PRKD1: variants seen among roughly 807,000 people sequenced by gnomAD.
PRKD1 encodes the protein serine/threonine-protein kinase D1.
PRKD1 carries 63 observed loss-of-function variants against 95.9 expected under a neutral mutation model. The ratio of observed to expected loss-of-function variants is 0.66; its 90% CI spans 0.54 to 0.81. The LOEUF (loss-of-function observed/expected upper bound fraction) is 0.81. PRKD1 is among the 30% of genes least tolerant of loss of function. PRKD1 has a pLI of 0.00. For synonymous variants in PRKD1, 425 were observed against 423.1 expected, an observed-to-expected ratio of 1.00 and a Z score of -0.05; for missense variants, 1,048 against 1,165.3, an observed-to-expected ratio of 0.90 and a Z score of 1.47.
At chr14:29,605,146 C>A (rs2139030117) in intron 13 of PRKD1, among the ~76,000 whole-genome samples, 1 of 152,180 alleles carries the variant, frequency 6.6e-6, no homozygotes, top group East Asian at 1.9e-4. Context: ...AGGGATCCAC[C>A]ACAGCATCCC....
chr14:29,821,929 A>G (rs1316963672), intron 1 of PRKD1, among the ~76,000 whole-genome samples: 1 of 151,988 alleles, frequency 6.6e-6, no homozygotes, highest in Admixed American at 6.6e-5. Context: ...AACCTTTTAA[A>G]CACTTTGCCT....
At chr14:29,725,701 T>C (rs1285163962) in intron 1 of PRKD1, 27 bp from the exon 2 acceptor site, 1 of 1,601,152 alleles carries the variant, frequency 6.2e-7, no homozygotes. Context: ...CATGAGAGTG[T>C]AAATGTCAAA....
At chr14:29,701,006 A>ACACACACACACACACACACC (rs1555337080) in intron 2 of PRKD1, among the ~76,000 whole-genome samples, 156 of 50,678 alleles carry the variant, frequency 3.1e-3, no homozygotes, top group African/African-American at 0.016. Flanking sequence ...ACACACACAC[A>ACACACACACACACACACACC]CCCTGTTGTG....
chr14:29,803,039 C>G (rs1890097848), intron 1 of PRKD1, among the ~76,000 whole-genome samples: 1 of 152,184 alleles, frequency 6.6e-6, no homozygotes, highest in Non-Finnish European at 1.5e-5. Context: ...GGACATGAGA[C>G]AGGCCAGGTC....
intron 1 of PRKD1, among the ~76,000 whole-genome samples, chr14:29,864,151 T>A (rs1448567474): frequency 7.2e-5 from 11 of 152,080 alleles, no homozygotes; most frequent in African/African-American, 2.7e-4. Flanking sequence ...AAACATTTTG[T>A]CACTACTGGA....
chr14:29,741,657 T>A (rs1230897075), intron 1 of PRKD1, among the ~76,000 whole-genome samples: 1 of 152,070 alleles, frequency 6.6e-6, no homozygotes, highest in African/African-American at 2.4e-5. Flanking sequence ...TGGTCTGCAA[T>A]TTCTGCTTGC....
At chr14:29,719,926 T>C (rs1192358645) in intron 2 of PRKD1, among the ~76,000 whole-genome samples, 6 of 152,180 alleles carry the variant, frequency 3.9e-5, no homozygotes, top group Non-Finnish European at 7.3e-5. Flanking sequence ...CGTGAGAAAG[T>C]GAACTTGGGC....
chr14:29,659,231 T>C (rs4274347), intron 4 of PRKD1, among the ~76,000 whole-genome samples: 13,920 of 152,254 alleles, frequency 0.091, 885 homozygotes, highest in South Asian at 0.22. Context: ...GATTTGAACT[T>C]CATATACTGG....
intron 1 of PRKD1, among the ~76,000 whole-genome samples, chr14:29,809,745 C>G (rs1378849123): frequency 6.6e-6 from 1 of 152,314 alleles, no homozygotes; most frequent in East Asian, 1.9e-4. Context: ...ATCCAGACCA[C>G]TAAAACTTTC....
chr14:29,707,323 G>A (rs183650851), intron 2 of PRKD1, among the ~76,000 whole-genome samples: 1 of 152,222 alleles, frequency 6.6e-6, no homozygotes, highest in Admixed American at 6.5e-5. Context: ...TGAGAAAGGT[G>A]GGAGAATATG....
intron 2 of PRKD1, among the ~76,000 whole-genome samples, chr14:29,691,988 C>A (rs1339581153): frequency 2.6e-5 from 4 of 152,186 alleles, no homozygotes; most frequent in Middle Eastern, 3.4e-3. Flanking sequence ...TGTGAACATA[C>A]AATTTTAGGT....
chr14:29,649,278 G>A (rs1174558590), intron 4 of PRKD1, among the ~76,000 whole-genome samples: 2 of 152,080 alleles, frequency 1.3e-5, no homozygotes, highest in African/African-American at 4.8e-5. Flanking sequence ...AGGTAGCCTT[G>A]GTAAAGGGGG....
At chr14:29,907,282 T>C (rs527541501) in intron 1 of PRKD1, among the ~76,000 whole-genome samples, 2 of 152,262 alleles carry the variant, frequency 1.3e-5, no homozygotes, top group Admixed American at 1.3e-4. Context: ...CAAAATCCTT[T>C]TAAAAATTAT....
intron 2 of PRKD1, among the ~76,000 whole-genome samples, chr14:29,699,180 A>C (rs1448855085): frequency 1.3e-5 from 2 of 152,212 alleles, no homozygotes; most frequent in Admixed American, 6.5e-5. Flanking sequence ...TAAAGAGTAA[A>C]AATGAATTGC....
intron 1 of PRKD1, among the ~76,000 whole-genome samples, chr14:29,834,991 T>A (rs1209300615): frequency 6.9e-6 from 1 of 144,552 alleles, no homozygotes; most frequent in Non-Finnish European, 1.5e-5. Flanking sequence ...GAGACCTGGG[T>A]TTTTTTTTCT....
chr14:29,904,769 A>AT (rs1894437891), intron 1 of PRKD1, among the ~76,000 whole-genome samples: 1 of 152,222 alleles, frequency 6.6e-6, no homozygotes, highest in Non-Finnish European at 1.5e-5. Flanking sequence ...CATAGATTCA[A>AT]AGGCCAAGGT....
At chr14:29,600,590 G>A (rs940495529) in intron 13 of PRKD1, among the ~76,000 whole-genome samples, 1 of 152,132 alleles carries the variant, frequency 6.6e-6, no homozygotes, top group Non-Finnish European at 1.5e-5. Context: ...TGAGGATGAG[G>A]AGGACCAACT....
chr14:29,908,866 C>A (rs1894591383), intron 1 of PRKD1, among the ~76,000 whole-genome samples: 1 of 152,142 alleles, frequency 6.6e-6, no homozygotes, highest in South Asian at 2.1e-4. Flanking sequence ...ATTCTGGGCA[C>A]CTCCTTGGCC....
intron 1 of PRKD1, among the ~76,000 whole-genome samples, chr14:29,903,716 G>A (rs537692690): frequency 3.1e-4 from 47 of 152,228 alleles, no homozygotes; most frequent in Non-Finnish European, 5.4e-4. Context: ...GGTGACAACT[G>A]AGGAACAAAA....
Sources: gnomAD v4.1 joint callset for allele counts (sites outside exome capture counted in the v4.1 genomes callset) on GRCh38, gnomAD v4.1.1 for gene constraint, MANE v1.5 for transcripts, NCBI Gene and HGNC (gene_info 2026-07-23, HGNC 2026-07-21) for gene names.